ZNF385D: variants seen among roughly 807,000 people sequenced by gnomAD.
The protein encoded by ZNF385D is zinc finger protein 659.
ZNF385D carries 15 observed loss-of-function variants against 35.8 expected under a neutral mutation model. The observed-to-expected ratio is 0.42, with a 90% CI of 0.28 to 0.64. The LOEUF is 0.64. ZNF385D is among the 30% of genes least tolerant of loss of function. The probability of loss-of-function intolerance (pLI) is 0.23; values close to 1 mark genes in which losing one functional copy is unlikely to be tolerated. For synonymous variants in ZNF385D, 212 were observed against 186.8 expected (o/e 1.13, Z -1.10); for missense variants, 474 against 494.6 (o/e 0.96, Z 0.39).
intron 3 of ZNF385D, among the ~76,000 whole-genome samples, chr3:22,161,797 G>A (rs1705969788): frequency 6.6e-6 from 1 of 152,092 alleles, no homozygotes; most frequent in African/African-American, 2.4e-5. Context: ...AATAATATAA[G>A]TGATTTAAGA....
intron 2 of ZNF385D, among the ~76,000 whole-genome samples, chr3:22,353,266 T>C (rs913750157): frequency 2.6e-5 from 4 of 152,192 alleles, no homozygotes; most frequent in African/African-American, 4.8e-5. Context: ...ATCTGTGCCA[T>C]GCCAAGTAAC....
chr3:22,329,211 G>T (rs1165303623), intron 2 of ZNF385D, among the ~76,000 whole-genome samples: 1 of 151,972 alleles, frequency 6.6e-6, no homozygotes, highest in Admixed American at 6.6e-5. Context: ...AAGCCTCTTA[G>T]TGATGATCTA....
chr3:21,903,153 C>A (rs1009918600), intron 3 of ZNF385D, among the ~76,000 whole-genome samples: 1 of 152,166 alleles, frequency 6.6e-6, no homozygotes, highest in Admixed American at 6.5e-5. Context: ...TCAACTAAAT[C>A]TCCCGGTCAT....
chr3:21,719,054 T>C (rs560407575), intron 1 of ZNF385D, among the ~76,000 whole-genome samples: 4 of 152,228 alleles, frequency 2.6e-5, no homozygotes, highest in Non-Finnish European at 5.9e-5. Context: ...GTAGCTATTA[T>C]CTTGCATTTG....
chr3:21,567,542 G>A (rs1209699348), intron 2 of ZNF385D, among the ~76,000 whole-genome samples: 1 of 152,010 alleles, frequency 6.6e-6, no homozygotes, highest in Non-Finnish European at 1.5e-5. Context: ...GAACACTGAA[G>A]GGTAATTTTC....
At position 21,413,669 on chromosome 3, in the gene ZNF385D, T is replaced by A. The variant is rs1700523429; in HGVS notation, c.*7545A>T. The A allele has an allele frequency of 6.6e-6, 1 of 152,118 alleles. No individual in the cohort carries two copies. Among genetic ancestry groups the A allele is most frequent in the Admixed American group, 6.6e-5 (1 of 15,256 alleles). 9.4% of individuals were successfully genotyped at this position (152,118 alleles called of 1,614,324 possible). A position where few individuals can be genotyped will look rare whatever the true frequency, so the allele number is the denominator to read the frequency against. On this transcript the variant is annotated 3_prime_UTR_variant, in exon 8 of 8. Coordinates refer to ENST00000281523, the MANE Select transcript of ZNF385D (RefSeq NM_024697.3). ...TATAAGAGGAGAAAAATAGCATGAA[T>A]ATTTTTCCTTTATTTTTTGCAGGGT...
chr3:21,436,854 T>C, intron 5 of ZNF385D, 116 bp downstream of exon 5: 1 of 933,398 alleles, frequency 1.1e-6, no homozygotes, highest in Non-Finnish European at 1.6e-6. Flanking sequence ...ATGATTTCCA[T>C]GTAATAATTG....
At chr3:21,868,769 A>G (rs1466040437) in intron 3 of ZNF385D, among the ~76,000 whole-genome samples, 1 of 152,146 alleles carries the variant, frequency 6.6e-6, no homozygotes, top group Non-Finnish European at 1.5e-5. Flanking sequence ...AAGTTAGAAG[A>G]TAATATGTTT....
intron 3 of ZNF385D, among the ~76,000 whole-genome samples, chr3:22,098,035 G>A (rs1401284662): frequency 6.6e-6 from 1 of 152,006 alleles, no homozygotes. Context: ...GAACTCACAG[G>A]CTAGGGAAAT....
At chr3:22,133,315 T>A (rs887338936) in intron 3 of ZNF385D, among the ~76,000 whole-genome samples, 1 of 151,956 alleles carries the variant, frequency 6.6e-6, no homozygotes. Flanking sequence ...AAAAAAGCAG[T>A]CTCCTCAGAT....
At chr3:21,728,671 G>A (rs1389168403) in intron 1 of ZNF385D, among the ~76,000 whole-genome samples, 1 of 152,112 alleles carries the variant, frequency 6.6e-6, no homozygotes, top group African/African-American at 2.4e-5. Flanking sequence ...CTTTACAGGT[G>A]AGAAAGTGTG....
At chr3:21,875,326 T>C (rs1697908853) in intron 3 of ZNF385D, among the ~76,000 whole-genome samples, 1 of 152,040 alleles carries the variant, frequency 6.6e-6, no homozygotes, top group Non-Finnish European at 1.5e-5. Flanking sequence ...TTTTCCTCAT[T>C]CCCCTAAATG....
chr3:22,103,075 T>C (rs1052088433), intron 3 of ZNF385D, among the ~76,000 whole-genome samples: 2 of 151,756 alleles, frequency 1.3e-5, no homozygotes, highest in Non-Finnish European at 2.9e-5. Context: ...TCCTATTAAA[T>C]TTAAATAAAA....
At chr3:21,792,310 T>C (rs1274593946) in intron 3 of ZNF385D, among the ~76,000 whole-genome samples, 2 of 152,180 alleles carry the variant, frequency 1.3e-5, no homozygotes, top group East Asian at 3.9e-4. Context: ...ATTTATTGAG[T>C]TGTGACAACC....
intron 3 of ZNF385D, among the ~76,000 whole-genome samples, chr3:22,080,361 T>A (rs934040617): frequency 6.6e-6 from 1 of 152,132 alleles, no homozygotes; most frequent in Non-Finnish European, 1.5e-5. Flanking sequence ...ACTCACATGC[T>A]GAGAACACTC....
chr3:22,357,310 G>A (rs149234589), intron 2 of ZNF385D, among the ~76,000 whole-genome samples: 67 of 151,944 alleles, frequency 4.4e-4, no homozygotes, highest in African/African-American at 1.6e-3. Context: ...GTGGTTGGTG[G>A]TGGACAGGTT....
chr3:22,152,001 C>T (rs890408145), intron 3 of ZNF385D, among the ~76,000 whole-genome samples: 2 of 152,092 alleles, frequency 1.3e-5, no homozygotes, highest in Non-Finnish European at 2.9e-5. Flanking sequence ...CCTCTCTCTC[C>T]TTCCACCCTC....
intron 3 of ZNF385D, among the ~76,000 whole-genome samples, chr3:22,132,628 T>A (rs1047818373): frequency 2.6e-5 from 4 of 152,054 alleles, no homozygotes; most frequent in African/African-American, 9.7e-5. Context: ...CTGAAAAAAA[T>A]TCCTCTAGAT....
intron 2 of ZNF385D, among the ~76,000 whole-genome samples, chr3:22,348,582 T>C (rs945245948): frequency 6.7e-6 from 1 of 150,050 alleles, no homozygotes; most frequent in Non-Finnish European, 1.5e-5. Context: ...GAGAATTGCC[T>C]GAACCCCGGG....
Sources: allele counts gnomAD v4.1 joint callset (sites outside exome capture counted in the v4.1 genomes callset), GRCh38; gene constraint gnomAD v4.1.1; transcripts MANE v1.5; gene names NCBI Gene and HGNC (gene_info 2026-07-23, HGNC 2026-07-21).